Variants in MYO9B observed in about 807,000 individuals in gnomAD.
The protein encoded by MYO9B is myosin IXB.
In MYO9B, 71 loss-of-function variants were observed where a neutral mutation model predicts 229.5. The observed-to-expected ratio is 0.31, with a 90% CI of 0.26 to 0.38. The LOEUF is 0.38. MYO9B is among the 10% of genes least tolerant of loss of function. The pLI, the probability that MYO9B is intolerant of heterozygous loss-of-function variation, is 1.00. For missense variants in MYO9B, 2,255 were observed against 2,920.5 expected (o/e 0.77, Z 5.25); for synonymous variants, 1,185 against 1,235.8 (o/e 0.96, Z 0.86).
At chr19:17,081,372 C>T (rs1003985199) in intron 1 of MYO9B, among the ~76,000 whole-genome samples, 15 of 152,130 alleles carry the variant, frequency 9.9e-5, no homozygotes, top group Non-Finnish European at 1.5e-4. Flanking sequence ...GGGAAATGAT[C>T]GTGTCAATAG....
At chr19:17,187,838 G>A (rs2072936159) in intron 18 of MYO9B, 97 bp from the exon 19 acceptor site, 3 of 965,966 alleles carry the variant, frequency 3.1e-6, no homozygotes, top group South Asian at 1.4e-5. Context: ...ATGGGGAAGT[G>A]CCCTCATCTC....
chr19:17,209,769 C>T, intron 36 of MYO9B, 60 bp downstream of exon 36: 2 of 1,587,480 alleles, frequency 1.3e-6, no homozygotes, highest in South Asian at 1.1e-5. Flanking sequence ...TGGTGCTGGG[C>T]AGGGCCTTGG....
At chr19:17,108,382 C>G (rs2057813595) in intron 2 of MYO9B, among the ~76,000 whole-genome samples, 1 of 151,990 alleles carries the variant, frequency 6.6e-6, no homozygotes, top group African/African-American at 2.4e-5. Flanking sequence ...CAACCTGGCT[C>G]TGCTGACATT....
At chr19:17,150,137 G>A (rs1227352863) in intron 3 of MYO9B, among the ~76,000 whole-genome samples, 7 of 152,230 alleles carry the variant, frequency 4.6e-5, no homozygotes, top group Non-Finnish European at 7.3e-5. Flanking sequence ...TGGGCTGGGC[G>A]CGGTGGCTCA....
chr19:17,152,738 T>A, intron 4 of MYO9B, 32 bp downstream of exon 4: 5 of 1,562,190 alleles, frequency 3.2e-6, no homozygotes, highest in Non-Finnish European at 3.5e-6. Flanking sequence ...AATCTCTGAA[T>A]GCCACGCCAT....
At position 17,101,126 on chromosome 19, in the gene MYO9B, CA is replaced by C. The variant is rs2057740807; in HGVS notation, c.-58-533del. On this transcript the variant is annotated intron_variant, in intron 1 of 39. Transcript: ENST00000682292. The surrounding 1 kb of genome is among the most constrained non-coding windows in gnomAD (Gnocchi z 4.7). The stretch of plus-strand genomic sequence containing the variant: ...GATGGGGGCTGGGATGGAGCAAACT[CA>C]GGGGAAGGGTCAGGTCTTGGGGTTG... Among the ~76,000 whole-genome samples the C allele has an allele frequency of 6.6e-6, 1 of 151,118 alleles. No individual in the cohort carries two copies. Among genetic ancestry groups the C allele is most frequent in the South Asian group, 2.1e-4 (1 of 4,768 alleles).
rs752563014 is a variant in MYO9B at position 17,206,071 on chromosome 19, C to T, written c.5176C>T (p.His1726Tyr). The T allele has an allele frequency of 1.2e-6, 2 of 1,610,744 alleles. No homozygotes were observed. Among genetic ancestry groups the T allele is most frequent in the Non-Finnish European group, 1.7e-6 (2 of 1,177,964 alleles). ...GAAGCTCCTGGAACACGTGGAGATGCACGGCCTGTACACCGAGGGCCTCTA... is the reference window on the plus strand; with the variant it reads ...GAAGCTCCTGGAACACGTGGAGATGTACGGCCTGTACACCGAGGGCCTCTA... Reference protein sequence around the residue: ...LEKLLEHVEMHGLYTEGLYRK... With the variant: ...LEKLLEHVEMYGLYTEGLYRK... Residue 1726 changes from histidine to tyrosine, a missense_variant, in exon 32 of 40, where the codon CAC (histidine) becomes TAC (tyrosine). By Grantham distance (83) the His-to-Tyr change is moderately conservative. Around this residue, in one of 7 missense-constraint regions of MYO9B, gnomAD observed 416 missense variants for 605.5 expected, o/e 0.69. Coordinates refer to ENST00000682292, the MANE Select transcript of MYO9B (RefSeq NM_004145.4).
intron 1 of MYO9B, among the ~76,000 whole-genome samples, chr19:17,096,684 GTT>G (rs1296237482): frequency 3.9e-4 from 43 of 111,104 alleles, no homozygotes; most frequent in South Asian, 3.6e-3. Context: ...TGTTGTTGTT[GTT>G]GTTGTTGTTG....
chr19:17,173,112 C>G, intron 13 of MYO9B, 149 bp downstream of exon 13: 1 of 1,020,080 alleles, frequency 9.8e-7, no homozygotes, highest in Non-Finnish European at 1.4e-6. Flanking sequence ...TTCCTGTCAC[C>G]CTGAACAGAA....
At chr19:17,087,527 G>A (rs986237281) in intron 1 of MYO9B, among the ~76,000 whole-genome samples, 1 of 152,200 alleles carries the variant, frequency 6.6e-6, no homozygotes, top group South Asian at 2.1e-4. Flanking sequence ...GCTACCTTCT[G>A]GCCTGAGTGT....
At position 17,206,328 on chromosome 19, in the gene MYO9B, G is replaced by C. The variant is rs1235862809; in HGVS notation, c.5338G>C (p.Glu1780Gln). The change falls in exon 33 of 40, where the codon GAG becomes CAG. Residue 1780 changes from glutamate to glutamine, a missense_variant. Glu to Gln is a conservative substitution (Grantham distance 29, BLOSUM62 2). This residue lies in a region of MYO9B where 416 missense variants were observed against 605.5 expected (regional missense o/e 0.69). Coordinates refer to ENST00000682292, the MANE Select transcript of MYO9B (RefSeq NM_004145.4). ...VLKQWLRELP[E>Q]PLMTFAQYGD... ...GAAGCAGTGGCTGCGGGAGCTGCCC[G>C]AGCCCCTCATGACCTTCGCACAGTA... 3 of 1,605,600 alleles carry C rather than the reference G, an allele frequency of 1.9e-6. No individual in the cohort carries two copies. The highest frequency in any genetic ancestry group is 2.5e-6 in the Non-Finnish European group (3 of 1,178,184).
At chr19:17,160,709 T>C (rs1218393728) in intron 8 of MYO9B, among the ~76,000 whole-genome samples, 1 of 151,304 alleles carries the variant, frequency 6.6e-6, no homozygotes, top group Non-Finnish European at 1.5e-5. Context: ...ATTTATTTAT[T>C]TTTATTTTTG....
intron 2 of MYO9B, among the ~76,000 whole-genome samples, chr19:17,144,630 T>C (rs942031314): frequency 1.3e-5 from 2 of 150,910 alleles, no homozygotes; most frequent in Non-Finnish European, 3.0e-5. Flanking sequence ...GAAAATGGGC[T>C]ACTCTCTGCT....
At chr19:17,109,458 GC>G (rs1434332615) in intron 2 of MYO9B, among the ~76,000 whole-genome samples, 1 of 152,150 alleles carries the variant, frequency 6.6e-6, no homozygotes, top group Admixed American at 6.5e-5. Flanking sequence ...ATCCCTCACG[GC>G]AGCTCTGCCC....
chr19:17,179,049 C>A lies in MYO9B; in HGVS notation c.2220-1878C>A, dbSNP rs1187134535. On this transcript the variant is annotated intron_variant, in intron 14 of 39. Transcript: ENST00000682292. Reference sequence around the variant, plus strand: ...CTGTAAAAAAAAAAAAAAAAAAAAACTAGGGTTTCTCAACCTCAGCACTGT... The same window carrying A: ...CTGTAAAAAAAAAAAAAAAAAAAAAATAGGGTTTCTCAACCTCAGCACTGT... 5.0e-5 allele frequency among the ~76,000 whole-genome samples: 7 copies of A among 139,548 alleles called. No homozygotes were observed. The South Asian group carries it at 1.4e-3, about 28-fold the overall frequency. The allele number at this position is 139,548 out of a possible 152,430, so 91.5% of individuals were successfully genotyped here.
chr19:17,093,326 C>A, intron 1 of MYO9B, among the ~76,000 whole-genome samples: 1 of 151,370 alleles, frequency 6.6e-6, no homozygotes, highest in South Asian at 2.1e-4. Context: ...AGTGAAACTC[C>A]CATTTCAAAA....
rs111942919 is a variant in MYO9B at position 17,160,581 on chromosome 19, C to A, written c.1419+1097C>A. 9.2e-3 allele frequency among the ~76,000 whole-genome samples: 1,388 copies of A among 150,260 alleles called. 15 individuals carry two copies. Among genetic ancestry groups the A allele is most frequent in the African/African-American group, 0.027 (1,091 of 40,632 alleles). ...GGAGTGTAGTGGCACAATCTCAGCT[C>A]ACTGCAACCTCTGCCTCCTGGGTTC... On this transcript the variant is annotated intron_variant, in intron 8 of 39. Coordinates refer to ENST00000682292, the MANE Select transcript of MYO9B (RefSeq NM_004145.4).
chr19:17,130,271 G>C (rs1203178175), intron 2 of MYO9B, among the ~76,000 whole-genome samples: 2 of 151,702 alleles, frequency 1.3e-5, no homozygotes, highest in African/African-American at 4.8e-5. Flanking sequence ...TGGAGTTCGA[G>C]ACCAGCCTGG....
intron 17 of MYO9B, among the ~76,000 whole-genome samples, chr19:17,185,333 C>T (rs2072906292): frequency 6.7e-6 from 1 of 149,250 alleles, no homozygotes; most frequent in Admixed American, 6.7e-5. Flanking sequence ...GAGATGGCGC[C>T]ACTGCACTCC....
Sources: allele counts gnomAD v4.1 joint callset (sites outside exome capture counted in the v4.1 genomes callset), GRCh38; gene constraint gnomAD v4.1.1; regional missense constraint gnomAD v4.1.1; non-coding constraint Gnocchi (gnomAD v3.1); transcripts MANE v1.5; gene names NCBI Gene and HGNC (gene_info 2026-07-23, HGNC 2026-07-21).